Variants in NSL1 observed in about 807,000 individuals in gnomAD.
The protein encoded by NSL1 is kinetochore-associated protein NSL1 homolog.
NSL1 carries 11 observed loss-of-function variants against 25.4 expected under a neutral mutation model. The ratio of observed to expected loss-of-function variants is 0.43; its 90% confidence interval spans 0.27 to 0.72. NSL1 has a LOEUF of 0.72. Among genes scored for constraint, NSL1 ranks in the 30% least tolerant of loss-of-function variants. NSL1 has a pLI of 0.19. For missense variants in NSL1, 330 were observed against 342.7 expected, an observed-to-expected ratio of 0.96 and a Z score of 0.29; for synonymous variants, 118 against 120.6, an observed-to-expected ratio of 0.98 and a Z score of 0.14.
At chr1:212,776,325 T>C (rs952274631) in intron 4 of NSL1, among the ~76,000 whole-genome samples, 6 of 151,476 alleles carry the variant, frequency 4.0e-5, no homozygotes, top group African/African-American at 1.2e-4. Flanking sequence ...ATCGCGCCAT[T>C]GCACTCCAGC....
chr1:212,771,775 T>G (rs1660128585), intron 4 of NSL1, among the ~76,000 whole-genome samples: 1 of 151,650 alleles, frequency 6.6e-6, no homozygotes, highest in Non-Finnish European at 1.5e-5. Flanking sequence ...ATAAAAAAAA[T>G]AAAATATCTG....
rs144118882 is a variant in NSL1 at position 212,728,143 on chromosome 1, A to G, written c.*10265T>C. On this transcript the variant is annotated 3_prime_UTR_variant, in exon 6 of 6. Coordinates refer to ENST00000366977, the MANE Select transcript of NSL1 (RefSeq NM_015471.4). The stretch of plus-strand genomic sequence containing the variant: ...AGCCCTTAATTCATGGATTGTCTTG[A>G]GGATTAAAAGAGATGGTGCATGTGA... The G allele has an allele frequency of 9.8e-5, 94 of 956,214 alleles. No individual in the cohort carries two copies. The highest frequency in any genetic ancestry group is 1.1e-4 in the Non-Finnish European group (90 of 803,404). The allele number at this position is 956,214 out of a possible 1,614,324, so 59.2% of individuals were successfully genotyped here.
At chr1:212,742,700 T>C (rs932966395) in intron 4 of NSL1, among the ~76,000 whole-genome samples, 14 of 152,158 alleles carry the variant, frequency 9.2e-5, no homozygotes, top group African/African-American at 3.4e-4. Context: ...CAAGAAACTA[T>C]AGAGATGATA....
Position 212,727,449 on chromosome 1 carries a change from A to G in NSL1, c.*10959T>C. 1 of 985,438 alleles carries G rather than the reference A, an allele frequency of 1.0e-6. No homozygotes were observed. Among genetic ancestry groups the G allele is most frequent in the Non-Finnish European group, 1.2e-6 (1 of 829,940 alleles). 61.0% of individuals were successfully genotyped at this position (985,438 alleles called of 1,614,324 possible). ...TAACAGACATTACCTAAATTTGGAA[A>G]AGTGACACAATTTCAAGCAGCAGTC... On this transcript the variant is annotated 3_prime_UTR_variant, in exon 6 of 6. Transcript: ENST00000366977.
intron 1 of NSL1, among the ~76,000 whole-genome samples, chr1:212,789,637 T>C (rs1350237809): frequency 1.1e-4 from 16 of 152,270 alleles, no homozygotes; most frequent in Admixed American, 9.8e-4. Flanking sequence ...CTACTTAATA[T>C]GCAGTTTTAA....
rs751011445 is a variant in NSL1 at position 212,784,502 on chromosome 1, GA to G, written c.314-10del. ...TACTTTGATGTCAGAATCTATTTGA[GA>G]AAAAAAAATGTATATATAAAAAGTT... On this transcript the variant is annotated splice_polypyrimidine_tract_variant and intron_variant, in intron 2 of 5. Transcript: ENST00000366977. The G allele has an allele frequency of 2.0e-4, 288 of 1,460,396 alleles. 1 individual carries two copies. Among genetic ancestry groups the G allele is most frequent in the Admixed American group, 2.3e-4 (11 of 47,998 alleles). 90.5% of individuals were successfully genotyped at this position (1,460,396 alleles called of 1,614,324 possible). A position where few individuals can be genotyped will look rare whatever the true frequency, so the allele number is the denominator to read the frequency against.
At chr1:212,767,198 T>G (rs1486789605) in intron 4 of NSL1, among the ~76,000 whole-genome samples, 1 of 152,134 alleles carries the variant, frequency 6.6e-6, no homozygotes, top group East Asian at 1.9e-4. Context: ...ACTATACTGT[T>G]AGGCCACAGT....
intron 4 of NSL1, among the ~76,000 whole-genome samples, chr1:212,752,158 C>T (rs1251689505): frequency 2.0e-5 from 3 of 152,140 alleles, no homozygotes; most frequent in African/African-American, 7.2e-5. Context: ...ATATGATTTT[C>T]CTAATTTTTT....
chr1:212,754,769 C>CAAAAAAAAAAAAAAAAAAAA (rs59259608), intron 4 of NSL1, among the ~76,000 whole-genome samples: 9 of 71,316 alleles, frequency 1.3e-4, no homozygotes, highest in African/African-American at 5.5e-4. Flanking sequence ...AATTCTGTCT[C>CAAAAAAAAAAAAAAAAAAAA]AAAAAAAAAA....
At chr1:212,776,457 G>C (rs891192601) in intron 4 of NSL1, among the ~76,000 whole-genome samples, 1 of 151,914 alleles carries the variant, frequency 6.6e-6, no homozygotes, top group Non-Finnish European at 1.5e-5. Flanking sequence ...GAGAGGCTGA[G>C]GTGGGAGGAC....
In NSL1 at chr1:212,729,949, T is replaced by C. The variant is rs1386175696; in HGVS notation, c.*8459A>G. On this transcript the variant is annotated 3_prime_UTR_variant, in exon 6 of 6. Transcript: ENST00000366977. ...AGGAACTAAACCTCCGGAAGGATTTTTTTTTTTAAGAATGAAATGGGCCGG... is the reference window on the plus strand; with the variant it reads ...AGGAACTAAACCTCCGGAAGGATTTCTTTTTTTAAGAATGAAATGGGCCGG... 1.2e-4 allele frequency: 120 copies of C among 984,948 alleles called. No individual in the cohort carries two copies. The highest frequency in any genetic ancestry group is 1.4e-4 in the Non-Finnish European group (116 of 829,804). The allele number at this position is 984,948 out of a possible 1,614,324, so 61.0% of individuals were successfully genotyped here. A position where few individuals can be genotyped will look rare whatever the true frequency, so the allele number is the denominator to read the frequency against.
At chr1:212,779,276 G>A (rs1481841007) in intron 4 of NSL1, among the ~76,000 whole-genome samples, 25 of 150,016 alleles carry the variant, frequency 1.7e-4, no homozygotes, top group Admixed American at 3.9e-4. Context: ...CCCCGTCTCG[G>A]AGGGAGGTGG....
Position 212,729,389 on chromosome 1 carries a change from G to A in NSL1, c.*9019C>T, listed in dbSNP as rs1451180777. 10 of 982,380 alleles carry A rather than the reference G, an allele frequency of 1.0e-5. No individual in the cohort carries two copies. The Admixed American group carries it at 6.2e-4, about 60-fold the overall frequency. The allele number at this position is 982,380 out of a possible 1,614,324, so 60.9% of individuals were successfully genotyped here. Reference sequence around the variant, plus strand: ...CAGGTGTACATCCACACAGCTCTTAGCACAGTATTTAGATTCATCGAGTAT... The same window carrying A: ...CAGGTGTACATCCACACAGCTCTTAACACAGTATTTAGATTCATCGAGTAT... On this transcript the variant is annotated 3_prime_UTR_variant, in exon 6 of 6. Transcript: ENST00000366977.
At chr1:212,771,552 A>G (rs978327334) in intron 4 of NSL1, among the ~76,000 whole-genome samples, 54 of 148,404 alleles carry the variant, frequency 3.6e-4, no homozygotes, top group Non-Finnish European at 1.5e-5. Context: ...TGAGGAAGTC[A>G]AACTGTCCAT....
rs1396695000 is a variant in NSL1, at chr1:212,737,152, A to G, written c.*1256T>C. 2.0e-6 allele frequency: 2 copies of G among 985,190 alleles called. No individual in the cohort carries two copies. Among genetic ancestry groups the G allele is most frequent in the East Asian group, 2.3e-4 (2 of 8,834 alleles). The allele number at this position is 985,190 out of a possible 1,614,324, so 61.0% of individuals were successfully genotyped here. ...TGCCTAAGACAACTCATAAAAATACACAGCATCAAGATCAGTCTTTGTACA... is the reference window on the plus strand; with the variant it reads ...TGCCTAAGACAACTCATAAAAATACGCAGCATCAAGATCAGTCTTTGTACA... On this transcript the variant is annotated 3_prime_UTR_variant, in exon 6 of 6. Coordinates refer to ENST00000366977, the MANE Select transcript of NSL1 (RefSeq NM_015471.4).
At chr1:212,752,599 C>G (rs1461261975) in intron 4 of NSL1, among the ~76,000 whole-genome samples, 1 of 152,080 alleles carries the variant, frequency 6.6e-6, no homozygotes, top group Non-Finnish European at 1.5e-5. Context: ...TTCATTACAA[C>G]AGGATTATAA....
chr1:212,727,994 G>A lies in NSL1; in HGVS notation c.*10414C>T. The A allele has an allele frequency of 1.0e-6, 1 of 985,458 alleles. No individual in the cohort carries two copies. Among genetic ancestry groups the A allele is most frequent in the Non-Finnish European group, 1.2e-6 (1 of 829,934 alleles). 61.0% of individuals were successfully genotyped at this position (985,458 alleles called of 1,614,324 possible). A position where few individuals can be genotyped will look rare whatever the true frequency, so the allele number is the denominator to read the frequency against. On this transcript the variant is annotated 3_prime_UTR_variant, in exon 6 of 6. Coordinates refer to ENST00000366977, the MANE Select transcript of NSL1 (RefSeq NM_015471.4). ...CTTTGCTGTGAACCACGGGGAGAAG[G>A]TGGAAGCAGAGTTTGTGGTCAGAAG...
chr1:212,736,000 T>C lies in NSL1; in HGVS notation c.*2408A>G. On this transcript the variant is annotated 3_prime_UTR_variant, in exon 6 of 6. Coordinates refer to ENST00000366977, the MANE Select transcript of NSL1 (RefSeq NM_015471.4). Reference sequence around the variant, plus strand: ...TTTTCAGAAACCAGCTTTGACAGTGTTCTCTCTTCTTTGGGACTAGACTTA... The same window carrying C: ...TTTTCAGAAACCAGCTTTGACAGTGCTCTCTCTTCTTTGGGACTAGACTTA... 1 of 985,428 alleles carries C rather than the reference T, an allele frequency of 1.0e-6. No homozygotes were observed. The allele number at this position is 985,428 out of a possible 1,614,324, so 61.0% of individuals were successfully genotyped here.
chr1:212,729,335 C>G lies in NSL1; in HGVS notation c.*9073G>C, dbSNP rs1042895506. ...GGCTCCCCTAACTGACGGCAAATTG[C>G]TTGTGGGCAGGGTCTGTGCCTTGGT... On this transcript the variant is annotated 3_prime_UTR_variant, in exon 6 of 6. Coordinates refer to ENST00000366977, the MANE Select transcript of NSL1 (RefSeq NM_015471.4). The G allele has an allele frequency of 4.9e-5, 48 of 983,058 alleles. No individual in the cohort carries two copies. The highest frequency in any genetic ancestry group is 5.7e-5 in the Non-Finnish European group (47 of 827,906). The allele number at this position is 983,058 out of a possible 1,614,324, so 60.9% of individuals were successfully genotyped here. A position where few individuals can be genotyped will look rare whatever the true frequency, so the allele number is the denominator to read the frequency against.
Sources: allele counts gnomAD v4.1 joint callset (sites outside exome capture counted in the v4.1 genomes callset), GRCh38; gene constraint gnomAD v4.1.1; transcripts MANE v1.5; gene names NCBI Gene and HGNC (gene_info 2026-07-23, HGNC 2026-07-21).